The following TLK1 variants were observed in gnomAD, a reference collection of about 807,000 sequenced individuals.
TLK1 encodes the protein tousled like kinase 1.
A neutral mutation model predicts 105.3 loss-of-function variants in TLK1; 24 were observed. That is an observed-to-expected ratio of 0.23 (90% CI 0.17 to 0.32). TLK1 has a LOEUF of 0.32. Among genes scored for constraint, TLK1 ranks in the 10% least tolerant of loss-of-function variants. The pLI is 1.00. For synonymous variants in TLK1, 321 were observed against 310.4 expected (o/e 1.03, Z -0.36); for missense variants, 558 against 910.5 (o/e 0.61, Z 4.98).
rs1272958169 is a variant in TLK1 at position 170,991,415 on chromosome 2, C to CCAT, written c.*2362_*2364dup. ...TGGCTAAATTAGCCATCTTGGTTAG[C>CCAT]CATCTTGGACCTGCTGGGTCACTGG... On this transcript the variant is annotated 3_prime_UTR_variant, in exon 21 of 21. Transcript: ENST00000431350. 6.6e-6 allele frequency: 1 copy of CCAT among 152,150 alleles called. No homozygotes were observed. The highest frequency in any genetic ancestry group is 1.5e-5 in the Non-Finnish European group (1 of 68,030). The allele number at this position is 152,150 out of a possible 1,614,324, so 9.4% of individuals were successfully genotyped here.
chr2:171,048,683 C>T (rs914543689), intron 10 of TLK1, among the ~76,000 whole-genome samples: 1 of 33,356 alleles, frequency 3.0e-5, no homozygotes, highest in African/African-American at 5.2e-5. Context: ...TGTGGTATAA[C>T]TAGCACAGAT....
chr2:171,110,668 T>A (rs1331259846), intron 2 of TLK1, among the ~76,000 whole-genome samples: 2 of 152,136 alleles, frequency 1.3e-5, no homozygotes, highest in African/African-American at 2.4e-5. Context: ...CTTAAAAACC[T>A]AAACTAAAAG....
chr2:171,098,367 T>C (rs1410347620), intron 2 of TLK1, among the ~76,000 whole-genome samples: 1 of 152,174 alleles, frequency 6.6e-6, no homozygotes, highest in Non-Finnish European at 1.5e-5. Context: ...CTCACATATA[T>C]ATAATTTCTA....
intron 2 of TLK1, among the ~76,000 whole-genome samples, chr2:171,101,075 C>T (rs1689668592): frequency 6.6e-6 from 1 of 151,760 alleles, no homozygotes; most frequent in Non-Finnish European, 1.5e-5. Context: ...AGGCCAGGCG[C>T]AGTGGCTCAC....
At chr2:171,114,091 T>C (rs1690301987) in intron 2 of TLK1, among the ~76,000 whole-genome samples, 2 of 152,212 alleles carry the variant, frequency 1.3e-5, no homozygotes, top group South Asian at 4.1e-4. Context: ...GAATCTTACA[T>C]ATCTTATTTT....
At chr2:171,148,783 G>T (rs890385674) in intron 1 of TLK1, among the ~76,000 whole-genome samples, 1 of 151,312 alleles carries the variant, frequency 6.6e-6, no homozygotes, top group African/African-American at 2.4e-5. Flanking sequence ...AGGAGGCTGA[G>T]ATGTGAGAAT....
intron 1 of TLK1, among the ~76,000 whole-genome samples, chr2:171,124,774 G>A (rs971792036): frequency 6.6e-6 from 1 of 152,140 alleles, no homozygotes; most frequent in African/African-American, 2.4e-5. Flanking sequence ...ACTTCAGATT[G>A]TACTTAGTGT....
intron 14 of TLK1, among the ~76,000 whole-genome samples, chr2:171,009,704 A>C (rs1050236569): frequency 6.6e-6 from 1 of 152,194 alleles, no homozygotes; most frequent in African/African-American, 2.4e-5. Flanking sequence ...CCTATAATGT[A>C]GGTATTGTTA....
intron 1 of TLK1, among the ~76,000 whole-genome samples, chr2:171,224,789 C>T (rs56912378): frequency 0.055 from 8,339 of 152,202 alleles, 482 homozygotes; most frequent in East Asian, 0.25. Context: ...AGTCACATTT[C>T]TTAGTTTCAA....
rs115036070 is a variant in TLK1, at chr2:171,212,506, C to T, written c.-6+18639G>A. Among the ~76,000 whole-genome samples, 496 of 152,200 alleles carry T rather than the reference C, an allele frequency of 3.3e-3. 4 individuals are homozygous for T. The highest frequency in any genetic ancestry group is 0.011 in the African/African-American group (461 of 41,508). ...AAATAAGGGACATCATTTTAGACGTCCTTTATCAATGTCAGTGGAGTCTAA... is the reference window on the plus strand; with the variant it reads ...AAATAAGGGACATCATTTTAGACGTTCTTTATCAATGTCAGTGGAGTCTAA... On this transcript the variant is annotated intron_variant, in intron 1 of 20. Transcript: ENST00000521943.
chr2:171,221,386 A>G (rs1239481351), intron 1 of TLK1, among the ~76,000 whole-genome samples: 3 of 152,198 alleles, frequency 2.0e-5, no homozygotes, highest in East Asian at 3.8e-4. Flanking sequence ...TCAAACATTT[A>G]AAGGAGTGCC....
At chr2:171,002,217 T>G (rs1684413000) in intron 18 of TLK1, among the ~76,000 whole-genome samples, 1 of 152,168 alleles carries the variant, frequency 6.6e-6, no homozygotes, top group African/African-American at 2.4e-5. Flanking sequence ...CAGCTTTAGA[T>G]CCTTCACCTT....
intron 2 of TLK1, among the ~76,000 whole-genome samples, chr2:171,102,873 CGAG>C (rs1189258938): frequency 6.6e-6 from 1 of 151,524 alleles, no homozygotes; most frequent in Non-Finnish European, 1.5e-5. Flanking sequence ...GTTTCCATTA[CGAG>C]AAGGGAAAGA....
At chr2:171,070,973 G>C in intron 3 of TLK1, among the ~76,000 whole-genome samples, 1 of 152,042 alleles carries the variant, frequency 6.6e-6, no homozygotes. Flanking sequence ...TTTTAACTGG[G>C]GTGAGATGAT....
At chr2:171,148,995 G>A (rs1575630300) in intron 1 of TLK1, among the ~76,000 whole-genome samples, 1 of 145,650 alleles carries the variant, frequency 6.9e-6, no homozygotes, top group African/African-American at 2.5e-5. Flanking sequence ...TTGTTGATAT[G>A]TATACCAAAA....
intron 1 of TLK1, among the ~76,000 whole-genome samples, chr2:171,129,841 AT>A (rs1691024538): frequency 1.4e-5 from 2 of 142,700 alleles, no homozygotes; most frequent in African/African-American, 5.5e-5. Flanking sequence ...ATAACATAAC[AT>A]AACATAACAT....
At chr2:171,108,982 C>T (rs139198263) in intron 2 of TLK1, among the ~76,000 whole-genome samples, 55 of 152,256 alleles carry the variant, frequency 3.6e-4, no homozygotes, top group African/African-American at 1.3e-3. Context: ...CTAAAATTAA[C>T]AGTAAGTAGT....
Position 171,160,568 on chromosome 2 carries a change from G to T in TLK1, c.-140C>A. On this transcript the variant is annotated 5_prime_UTR_variant, in exon 1 of 21. Transcript: ENST00000431350. This position sits in a 1 kb window ranked among gnomAD's most constrained non-coding sequence, Gnocchi z 4.4. ...GCTGGGAGGGGAGAGTCAAGGGGAT[G>T]GGGGAGGAAACCGAGAAGAGGGGAG... is the stretch of plus-strand genomic sequence containing the variant. The T allele has an allele frequency of 7.0e-7, 1 of 1,426,724 alleles. No individual in the cohort carries two copies. The highest frequency in any genetic ancestry group is 9.4e-7 in the Non-Finnish European group (1 of 1,060,112). The allele number at this position is 1,426,724 out of a possible 1,614,324, so 88.4% of individuals were successfully genotyped here. A position where few individuals can be genotyped will look rare whatever the true frequency, so the allele number is the denominator to read the frequency against.
chr2:171,031,080 T>A (rs548829417), intron 11 of TLK1, among the ~76,000 whole-genome samples: 71 of 151,918 alleles, frequency 4.7e-4, no homozygotes, highest in African/African-American at 1.6e-3. Flanking sequence ...TACATATATA[T>A]AATTTTGGGA....
Sources: allele counts gnomAD v4.1 joint callset (sites outside exome capture counted in the v4.1 genomes callset), GRCh38; gene constraint gnomAD v4.1.1; non-coding constraint Gnocchi (gnomAD v3.1); transcripts MANE v1.5; gene names NCBI Gene and HGNC (gene_info 2026-07-23, HGNC 2026-07-21).